DPP6: variants seen among roughly 807,000 people sequenced by gnomAD.
DPP6 encodes the protein A-type potassium channel modulatory protein DPP6.
A neutral mutation model predicts 122.6 loss-of-function variants in DPP6; 69 were observed. The observed-to-expected ratio is 0.56, with a 90% CI of 0.46 to 0.69. The LOEUF (loss-of-function observed/expected upper bound fraction) is 0.69, where lower values mean the gene tolerates loss of function less well. Among genes scored for constraint, DPP6 ranks in the 30% least tolerant of loss-of-function variants. The pLI, the probability that DPP6 is intolerant of heterozygous loss-of-function variation, is 0.00. For missense variants in DPP6, 928 were observed against 1,116.9 expected (o/e 0.83, Z 2.41); for synonymous variants, 418 against 433.1 (o/e 0.97, Z 0.43).
chr7:154,798,905 T>A (rs567841199), intron 12 of DPP6, among the ~76,000 whole-genome samples: 5 of 152,332 alleles, frequency 3.3e-5, no homozygotes, highest in African/African-American at 1.2e-4. Flanking sequence ...AGACTGAACC[T>A]GCCACCTGCT....
At chr7:153,909,142 T>C (rs1002217810) in intron 1 of DPP6, among the ~76,000 whole-genome samples, 1 of 152,196 alleles carries the variant, frequency 6.6e-6, no homozygotes, top group African/African-American at 2.4e-5. Flanking sequence ...AATTCTTTAT[T>C]TTTGTCCCCA....
rs1212569001 is a variant in DPP6, at chr7:154,669,343, G to A, written c.681-17G>A. The A allele has an allele frequency of 6.2e-5, 97 of 1,552,122 alleles. No homozygotes were observed. The highest frequency in any genetic ancestry group is 8.4e-5 in the Non-Finnish European group (96 of 1,147,260). On this transcript the variant is annotated splice_polypyrimidine_tract_variant and intron_variant, in intron 6 of 25. Transcript: ENST00000377770. The stretch of plus-strand genomic sequence containing the variant: ...CCAACATTTTGCTTTGTTTTTGTTT[G>A]TTTGTTCAATTTTCAGGGATCCTCA...
intron 1 of DPP6, among the ~76,000 whole-genome samples, chr7:154,200,777 G>A (rs1799129632): frequency 6.6e-6 from 1 of 152,132 alleles, no homozygotes; most frequent in African/African-American, 2.4e-5. Context: ...GAAATGCAAG[G>A]TAGCAAAGTG....
chr7:153,867,560 T>C, the DPP6 span, among the ~76,000 whole-genome samples: 6 of 152,220 alleles, frequency 3.9e-5, no homozygotes, highest in Non-Finnish European at 7.3e-5. Flanking sequence ...GCTGAGACAA[T>C]GGGGTTTTCT....
chr7:153,901,624 C>T (rs1221412027), intron 1 of DPP6, among the ~76,000 whole-genome samples: 1 of 152,214 alleles, frequency 6.6e-6, no homozygotes, highest in Non-Finnish European at 1.5e-5. Flanking sequence ...GGACTAACTT[C>T]AGTGAGCACA....
At chr7:154,525,288 C>A (rs1827312097) in intron 3 of DPP6, among the ~76,000 whole-genome samples, 1 of 152,146 alleles carries the variant, frequency 6.6e-6, no homozygotes, top group African/African-American at 2.4e-5. Flanking sequence ...GGACTACAGG[C>A]AAATACCACC....
intron 1 of DPP6, among the ~76,000 whole-genome samples, chr7:154,366,599 C>A (rs1428560851): frequency 6.6e-6 from 1 of 152,216 alleles, no homozygotes; most frequent in Non-Finnish European, 1.5e-5. Context: ...TTTAGGTAAT[C>A]TGAGAGTTCC....
At chr7:154,156,378 G>T (rs1038146782) in intron 1 of DPP6, among the ~76,000 whole-genome samples, 24 of 152,236 alleles carry the variant, frequency 1.6e-4, no homozygotes, top group African/African-American at 4.1e-4. Context: ...TATAGGGGCA[G>T]CCCTGACCAG....
intron 1 of DPP6, among the ~76,000 whole-genome samples, chr7:153,930,440 C>CTATTG (rs370594648): frequency 4.1e-4 from 62 of 152,144 alleles, no homozygotes; most frequent in Admixed American, 7.2e-4. Context: ...GATATGGCTC[C>CTATTG]TATTGTATTG....
At chr7:154,380,982 G>T (rs1034464314) in intron 1 of DPP6, among the ~76,000 whole-genome samples, 2 of 152,220 alleles carry the variant, frequency 1.3e-5, no homozygotes, top group South Asian at 2.1e-4. Flanking sequence ...GCTGTCCAGG[G>T]TGGATGGCAG....
chr7:154,324,343 C>T (rs7803191), intron 1 of DPP6, among the ~76,000 whole-genome samples: 45 of 152,214 alleles, frequency 3.0e-4, no homozygotes, highest in Middle Eastern at 3.4e-3. Context: ...TGCGCTCCCC[C>T]CTTTGAATCA....
chr7:154,556,199 T>C (rs992384170), intron 4 of DPP6, among the ~76,000 whole-genome samples: 1 of 152,214 alleles, frequency 6.6e-6, no homozygotes, highest in African/African-American at 2.4e-5. Context: ...TTTATTAAAT[T>C]TGTGTATCAA....
At chr7:154,308,442 C>CAA (rs1806567559) in intron 1 of DPP6, among the ~76,000 whole-genome samples, 3 of 152,058 alleles carry the variant, frequency 2.0e-5, no homozygotes, top group African/African-American at 7.2e-5. Context: ...TTTGGAGATG[C>CAA]TAAAGTTTAT....
chr7:153,922,693 A>G (rs1225824529), intron 1 of DPP6, among the ~76,000 whole-genome samples: 1 of 152,230 alleles, frequency 6.6e-6, no homozygotes, highest in Non-Finnish European at 1.5e-5. Context: ...ACAGTGTTAC[A>G]TATTACAATC....
At chr7:154,564,803 G>A (rs186287163) in intron 4 of DPP6, among the ~76,000 whole-genome samples, 209 of 152,348 alleles carry the variant, frequency 1.4e-3, no homozygotes, top group Admixed American at 3.7e-3. Context: ...CTCAGGCATA[G>A]TGGCAGAAGA....
chr7:154,786,004 G>T lies in DPP6; in HGVS notation c.1137-8075G>T, dbSNP rs377074321. ...GAGTGCCCTCCATAGCCCTGGTATT[G>T]TCTGGACTACTTTTTCCAACCTCTA... On this transcript the variant is annotated intron_variant, in intron 10 of 25. Transcript: ENST00000377770. Among the ~76,000 whole-genome samples, 61 of 151,996 alleles carry T rather than the reference G, an allele frequency of 4.0e-4. 1 individual carries two copies. The East Asian group carries it at 7.2e-3, about 18-fold the overall frequency.
chr7:154,029,409 T>C lies in DPP6; in HGVS notation c.51+141675T>C, dbSNP rs371925555. Among the ~76,000 whole-genome samples the C allele has an allele frequency of 1.5e-4, 22 of 148,574 alleles. No homozygotes were observed. In the East Asian group the frequency reaches 2.0e-3, roughly 14 times the overall value. ...GCGGGCGCCTGTAGTCCCAGCTACT[T>C]GGGAGGCTGAAGCAGGAGCATGGCG... On this transcript the variant is annotated intron_variant, in intron 1 of 25. Coordinates refer to the DPP6 transcript ENST00000404039.
chr7:153,933,324 G>A (rs75401328), intron 1 of DPP6, among the ~76,000 whole-genome samples: 98 of 152,188 alleles, frequency 6.4e-4, no homozygotes, highest in African/African-American at 2.3e-3. Context: ...GCTCTAAGCT[G>A]TCTCTGGCTA....
At chr7:154,510,635 G>T (rs1021876514) in intron 3 of DPP6, among the ~76,000 whole-genome samples, 2 of 151,482 alleles carry the variant, frequency 1.3e-5, no homozygotes, top group South Asian at 4.2e-4. Context: ...GGAGGTGGAG[G>T]TTACAATGAG....
Sources: allele counts gnomAD v4.1 joint callset (sites outside exome capture counted in the v4.1 genomes callset), GRCh38; gene constraint gnomAD v4.1.1; transcripts MANE v1.5; gene names NCBI Gene and HGNC (gene_info 2026-07-23, HGNC 2026-07-21).